Variants in NCR1 observed in about 807,000 individuals in gnomAD.
NCR1 encodes NK cell-activating receptor.
Under a neutral mutation model 32.5 loss-of-function variants are expected in NCR1, and 30 were observed. The observed-to-expected ratio is 0.92, with a 90% CI of 0.69 to 1.25. NCR1 has a LOEUF of 1.25. NCR1 is among the 50% of genes most tolerant of loss of function. The pLI is 0.00. For missense variants in NCR1, 369 were observed against 380.7 expected, an observed-to-expected ratio of 0.97 and a Z score of 0.26; for synonymous variants, 169 against 143.4, an observed-to-expected ratio of 1.18 and a Z score of -1.28.
At chr19:54,924,731 T>C in the NCR1 span, among the ~76,000 whole-genome samples, 2,097 of 152,202 alleles carry the variant, frequency 0.014, 98 homozygotes, top group East Asian at 0.11. Flanking sequence ...AGGTCAGGAA[T>C]TCGAGACCAG....
intron 5 of NCR1, among the ~76,000 whole-genome samples, chr19:54,910,551 G>A (rs587706269): frequency 1.3e-5 from 2 of 152,032 alleles, no homozygotes; most frequent in African/African-American, 4.8e-5. Context: ...TCCACTGCAC[G>A]ACACAGCGAG....
upstream of NCR1, among the ~76,000 whole-genome samples, chr19:54,903,832 A>G (rs1346594162): frequency 6.6e-6 from 1 of 151,914 alleles, no homozygotes; most frequent in Non-Finnish European, 1.5e-5. Flanking sequence ...TACTTAAAAG[A>G]AATGTTTCTT....
chr19:54,913,659 C>A (rs967384578), downstream of NCR1, among the ~76,000 whole-genome samples: 2 of 152,086 alleles, frequency 1.3e-5, no homozygotes, highest in African/African-American at 2.4e-5. Context: ...CTGCCAGGCA[C>A]GGTGGCTCAC....
downstream of NCR1, among the ~76,000 whole-genome samples, chr19:54,915,388 C>T: frequency 6.6e-6 from 1 of 152,106 alleles, no homozygotes; most frequent in East Asian, 1.9e-4. Context: ...CTCACGCCCT[C>T]CCATTATTCT....
At chr19:54,927,935 T>C in the NCR1 span, among the ~76,000 whole-genome samples, 589 of 152,074 alleles carry the variant, frequency 3.9e-3, 7 homozygotes, top group African/African-American at 0.014. Flanking sequence ...CTACTAAAAA[T>C]ACAAAGATTA....
At chr19:54,930,115 CAAAAAAAAAAAAA>C in the NCR1 span, among the ~76,000 whole-genome samples, 6 of 100,564 alleles carry the variant, frequency 6.0e-5, no homozygotes, top group African/African-American at 2.2e-4. Context: ...GGCTCCGTCT[CAAAAAAAAAAAAA>C]AAAAAAGAAA....
chr19:54,936,835 A>T, the NCR1 span, among the ~76,000 whole-genome samples: 2 of 152,208 alleles, frequency 1.3e-5, no homozygotes, highest in African/African-American at 4.8e-5. Context: ...GAATCACTTG[A>T]ATCCAGGAGG....
At chr19:54,922,272 G>C in the NCR1 span, among the ~76,000 whole-genome samples, 1 of 152,164 alleles carries the variant, frequency 6.6e-6, no homozygotes, top group Non-Finnish European at 1.5e-5. Context: ...TTTTGGCAGC[G>C]CCTGGAAGCC....
chr19:54,930,388 G>A, the NCR1 span: 10 of 755,800 alleles, frequency 1.3e-5, no homozygotes, highest in African/African-American at 1.6e-4. Context: ...ATCAAGCCTG[G>A]AAGACCGAAG....
chr19:54,933,549 C>A, the NCR1 span: 7 of 1,613,668 alleles, frequency 4.3e-6, no homozygotes, highest in African/African-American at 5.3e-5. Flanking sequence ...CACACACACA[C>A]ACACCCAGCA....
downstream of NCR1, among the ~76,000 whole-genome samples, chr19:54,916,464 G>A (rs1485885990): frequency 6.7e-6 from 1 of 149,124 alleles, no homozygotes; most frequent in African/African-American, 2.5e-5. Flanking sequence ...GACTACAAGT[G>A]CGTGCCACCA....
intron 4 of NCR1, among the ~76,000 whole-genome samples, 179 bp from the exon 5 acceptor site, chr19:54,909,839 G>A (rs2067863241): frequency 6.7e-6 from 1 of 149,518 alleles, no homozygotes; most frequent in Non-Finnish European, 1.5e-5. Flanking sequence ...GGAGGCTGAG[G>A]CAGGAGAATC....
At chr19:54,926,037 C>G in the NCR1 span, among the ~76,000 whole-genome samples, 1 of 150,544 alleles carries the variant, frequency 6.6e-6, no homozygotes, top group Admixed American at 6.7e-5. Flanking sequence ...AAGACAGACT[C>G]CGTCTCAAAA....
chr19:54,924,706 C>T, the NCR1 span, among the ~76,000 whole-genome samples: 5 of 152,046 alleles, frequency 3.3e-5, no homozygotes, highest in Non-Finnish European at 5.9e-5. Flanking sequence ...GAGGCCGAGG[C>T]GGGCAGATCA....
chr19:54,903,446 GTA>G (rs2067358813), upstream of NCR1, among the ~76,000 whole-genome samples: 3 of 115,734 alleles, frequency 2.6e-5, no homozygotes, highest in Admixed American at 1.1e-4. Context: ...ATACATGTAT[GTA>G]TATACATATA....
At chr19:54,934,441 A>G in the NCR1 span, 16 of 1,596,602 alleles carry the variant, frequency 1.0e-5, no homozygotes, top group African/African-American at 1.3e-5. This position sits in a 1 kb window ranked among gnomAD's most constrained non-coding sequence, Gnocchi z 6.7. Flanking sequence ...TTTCTCTTCT[A>G]TAGCCCCAGA....
At chr19:54,917,588 G>A (rs1176812214), downstream of NCR1, among the ~76,000 whole-genome samples, 5 of 152,040 alleles carry the variant, frequency 3.3e-5, no homozygotes, top group East Asian at 2.0e-4. Flanking sequence ...CCCAAAGTGC[G>A]AGGATTACAG....
chr19:54,903,602 A>G (rs1352879321), upstream of NCR1, among the ~76,000 whole-genome samples: 1 of 149,294 alleles, frequency 6.7e-6, no homozygotes, highest in Admixed American at 6.8e-5. Context: ...ATGTGTATAT[A>G]TGCATGTGTA....
the NCR1 span, among the ~76,000 whole-genome samples, chr19:54,934,183 TC>T: frequency 6.6e-6 from 1 of 152,050 alleles, no homozygotes; most frequent in African/African-American, 2.4e-5. The surrounding 1 kb of genome is among the most constrained non-coding windows in gnomAD (Gnocchi z 6.7). Context: ...CCTCGTGATC[TC>T]CCCGCCTTGG....
Sources: allele counts gnomAD v4.1 joint callset (sites outside exome capture counted in the v4.1 genomes callset), GRCh38; gene constraint gnomAD v4.1.1; non-coding constraint Gnocchi (gnomAD v3.1); transcripts MANE v1.5; gene names NCBI Gene and HGNC (gene_info 2026-07-23, HGNC 2026-07-21).